The following CEP350 variants were observed in gnomAD, a reference collection of about 807,000 sequenced individuals.
CEP350 encodes the protein centrosomal protein 350, also known as centrosome-associated protein 350.
A neutral mutation model predicts 331.8 loss-of-function variants in CEP350; 126 were observed. That is an observed-to-expected ratio of 0.38 (90% confidence interval 0.33 to 0.44). CEP350 has a LOEUF of 0.44. Among genes scored for constraint, CEP350 ranks in the 20% least tolerant of loss-of-function variants. The pLI, the probability that CEP350 is intolerant of heterozygous loss-of-function variation, is 1.00. For synonymous variants in CEP350, 1,200 were observed against 1,259.5 expected, an observed-to-expected ratio of 0.95 and a Z score of 1.00; for missense variants, 3,406 against 3,634.6, an observed-to-expected ratio of 0.94 and a Z score of 1.62.
At chr1:180,042,978 C>G in intron 19 of CEP350, 78 bp from the exon 20 acceptor site, 1 of 1,469,898 alleles carries the variant, frequency 6.8e-7, no homozygotes, top group South Asian at 1.4e-5. Context: ...TCTTTCTTTC[C>G]AAGACACTAT....
rs372062020 is a variant in CEP350 at position 180,020,966 on chromosome 1, C to T, written c.3192C>T (p.Ser1064=). The T allele has an allele frequency of 6.3e-6, 10 of 1,576,594 alleles. No homozygotes were observed. Among genetic ancestry groups the T allele is most frequent in the East Asian group, 2.2e-5 (1 of 44,596 alleles). Residue 1064 remains serine, a synonymous_variant, in exon 12 of 38, where the codon AGC becomes AGT. Transcript: ENST00000367607. The part of the protein sequence containing the change: ...WEELAKGSPH[S]VINIFTKSYQ... ...AATTGGCAAAGGGAAGTCCACATAG[C>T]GTCATTAATATTTTTACAAAATCCT...
Position 180,011,933 on chromosome 1 carries a change from T to C in CEP350, c.1251T>C (p.Ser417=). 1.3e-6 allele frequency: 2 copies of C among 1,592,534 alleles called. No homozygotes were observed. Among genetic ancestry groups the C allele is most frequent in the Non-Finnish European group, 1.7e-6 (2 of 1,169,506 alleles). ...CAGTGCCATGTATTTTTTTAGGTAG[T>C]AGTCATCTTATAAGTACATCTTCTT... The part of the protein sequence containing the change: ...QLSSTECRTG[S]SHLISTSSWR... Residue 417 remains serine (S), a synonymous_variant, in exon 9 of 38, where the codon AGT becomes AGC. Coordinates refer to ENST00000367607, the MANE Select transcript of CEP350 (RefSeq NM_014810.5).
At chr1:179,983,339 A>G (rs1364890469) in intron 1 of CEP350, among the ~76,000 whole-genome samples, 3 of 151,940 alleles carry the variant, frequency 2.0e-5, no homozygotes, top group South Asian at 2.1e-4. Context: ...GGTTCAAGCA[A>G]TTCTTCTGCC....
intron 1 of CEP350, chr1:179,969,444 A>G (rs947259828): frequency 8.1e-6 from 4 of 495,496 alleles, no homozygotes; most frequent in African/African-American, 1.9e-5. Flanking sequence ...AGTGCTCAGA[A>G]GACTGGTCTA....
At chr1:180,074,052 G>C (rs1314763581) in intron 27 of CEP350, 1 of 657,596 alleles carries the variant, frequency 1.5e-6, no homozygotes, top group Non-Finnish European at 2.2e-6. Context: ...TTTACCTTTT[G>C]TTTCCACATT....
intron 1 of CEP350, among the ~76,000 whole-genome samples, chr1:179,974,109 T>G (rs1651666061): frequency 6.6e-6 from 1 of 151,378 alleles, no homozygotes; most frequent in African/African-American, 2.4e-5. Flanking sequence ...AGATGGAGTC[T>G]CGCTCTGTTG....
At chr1:180,056,404 A>T (rs533725721) in intron 25 of CEP350, among the ~76,000 whole-genome samples, 1 of 134,180 alleles carries the variant, frequency 7.5e-6, no homozygotes, top group African/African-American at 2.9e-5. Context: ...AGCTTCTTGT[A>T]TTGGTTTTTT....
intron 6 of CEP350, among the ~76,000 whole-genome samples, chr1:179,999,411 G>T (rs1653708384): frequency 6.6e-6 from 1 of 151,740 alleles, no homozygotes; most frequent in African/African-American, 2.4e-5. Flanking sequence ...GGGTTACTTT[G>T]AAAAAGGTAG....
At position 179,996,991 on chromosome 1, in the gene CEP350, T is replaced by G; in HGVS notation, c.834T>G (p.His278Gln). ...QRLDILKRRQ[H>Q]DVKLEKLKER... ...TAGATATTCTAAAGCGGCGACAACA[T>G]GATGTCAAACTGGAAAAACTTAAGG... The change falls in exon 6 of 38, where the codon CAT becomes CAG. Residue 278 changes from histidine to glutamine, a missense_variant. By Grantham distance (24) the His-to-Gln change is conservative. Around this residue, in one of 5 missense-constraint regions of CEP350, gnomAD observed 1,857 missense variants for 1,909.2 expected, o/e 0.97. Transcript: ENST00000367607. The G allele has an allele frequency of 6.2e-7, 1 of 1,613,924 alleles. No homozygotes were observed.
chr1:179,963,212 G>C (rs1650761694), intron 1 of CEP350, among the ~76,000 whole-genome samples: 1 of 151,748 alleles, frequency 6.6e-6, no homozygotes, highest in Non-Finnish European at 1.5e-5. Context: ...CTGGATCCTA[G>C]TCCTTTGTCA....
chr1:180,015,275 C>A (rs950477388), intron 10 of CEP350, among the ~76,000 whole-genome samples: 4 of 151,576 alleles, frequency 2.6e-5, no homozygotes, highest in African/African-American at 9.7e-5. Flanking sequence ...TCCCTGTCGC[C>A]CAGGCTGGAG....
chr1:180,015,919 C>T lies in CEP350; in HGVS notation c.2123C>T (p.Ala708Val). The T allele has an allele frequency of 6.2e-7, 1 of 1,613,838 alleles. No individual in the cohort carries two copies. Residue 708 changes from alanine to valine, a missense_variant, in exon 11 of 38, where the codon GCA becomes GTA. This residue lies in a region of CEP350 where 1,857 missense variants were observed against 1,909.2 expected (regional missense o/e 0.97). Transcript: ENST00000367607. ...AAAGTACAGGAACGTCCCCCAAGTG[C>T]ATCTTCCAGTAGTGACATGTCTCTC... Reference protein sequence around the residue: ...ENKVQERPPSASSSSDMSLSE... With the variant: ...ENKVQERPPSVSSSSDMSLSE...
chr1:179,967,767 A>T (rs78116054), intron 1 of CEP350, among the ~76,000 whole-genome samples: 2,033 of 152,326 alleles, frequency 0.013, 58 homozygotes, highest in African/African-American at 0.046. Flanking sequence ...ATATTTTATG[A>T]AAGAATTTAT....
chr1:180,000,503 G>A, intron 6 of CEP350: 1 of 154,498 alleles, frequency 6.5e-6, no homozygotes, highest in South Asian at 2.0e-4. Context: ...GTTTCCTTGG[G>A]GTCTTTTTTT....
intron 26 of CEP350, among the ~76,000 whole-genome samples, chr1:180,064,631 A>G (rs1189898730): frequency 3.3e-5 from 5 of 152,096 alleles, no homozygotes; most frequent in Admixed American, 3.3e-4. Context: ...ATTTTTGAAA[A>G]CACTGTTTTG....
intron 27 of CEP350, among the ~76,000 whole-genome samples, chr1:180,067,822 A>G (rs938357395): frequency 6.6e-6 from 1 of 152,236 alleles, no homozygotes; most frequent in African/African-American, 2.4e-5. Context: ...TTTAAATACC[A>G]TTTATATTAC....
At chr1:179,994,178 G>A (rs1295046440) in intron 5 of CEP350, among the ~76,000 whole-genome samples, 1 of 152,174 alleles carries the variant, frequency 6.6e-6, no homozygotes, top group African/African-American at 2.4e-5. Flanking sequence ...TATTTAATGA[G>A]TGAGTGAATG....
intron 7 of CEP350, among the ~76,000 whole-genome samples, chr1:180,004,943 C>CTTTCTTTCTT (rs1428253720): frequency 3.5e-5 from 3 of 84,730 alleles, no homozygotes; most frequent in African/African-American, 9.2e-5. Context: ...TTCTTTCTTT[C>CTTTCTTTCTT]TTTCTTTCTT....
chr1:180,075,022 G>A lies in CEP350; in HGVS notation c.5568G>A (p.Lys1856=). 6.2e-7 allele frequency: 1 copy of A among 1,608,752 alleles called. No homozygotes were observed. Among genetic ancestry groups the A allele is most frequent in the South Asian group, 1.1e-5 (1 of 90,074 alleles). The part of the protein sequence containing the change: ...LKKMRSRMDE[K]FLTKREQKLM... ...ACTGTTCTTCATGGTGTGACCATAGGTTTCTGACAAAGCGGGAGCAAAAAT... is the reference window on the plus strand; with the variant it reads ...ACTGTTCTTCATGGTGTGACCATAGATTTCTGACAAAGCGGGAGCAAAAAT... The change falls in exon 28 of 38, where the codon AAG becomes AAA. Residue 1856 remains lysine, a splice_region_variant and synonymous_variant. Coordinates refer to ENST00000367607, the MANE Select transcript of CEP350 (RefSeq NM_014810.5).
Sources: allele counts gnomAD v4.1 joint callset (sites outside exome capture counted in the v4.1 genomes callset), GRCh38; gene constraint gnomAD v4.1.1; regional missense constraint gnomAD v4.1.1; transcripts MANE v1.5; gene names NCBI Gene and HGNC (gene_info 2026-07-23, HGNC 2026-07-21).